The following USP9Y variants were observed in gnomAD, a reference collection of about 807,000 sequenced individuals.
The protein encoded by USP9Y is ubiquitin specific peptidase 9 Y-linked.
In USP9Y, 41 loss-of-function variants were observed where a neutral mutation model predicts 53.1. The ratio of observed to expected loss-of-function variants is 0.77; its 90% CI spans 0.60 to 1.00. USP9Y has a LOEUF of 1.00. Among genes scored for constraint, USP9Y ranks in the 50% least tolerant of loss-of-function variants. The probability of loss-of-function intolerance (pLI) is 0.00; values close to 1 mark genes in which losing one functional copy is unlikely to be tolerated. For missense variants in USP9Y, 567 were observed against 535.8 expected, an observed-to-expected ratio of 1.06 and a Z score of -0.58; for synonymous variants, 220 against 173.7, an observed-to-expected ratio of 1.27 and a Z score of -2.09.
intron 26 of USP9Y, among the ~76,000 whole-genome samples, chrY:12,792,545 C>A (rs1055228545): frequency 1.5e-4 from 5 of 34,115 alleles, no homozygotes; most frequent in Admixed American, 1.1e-3. Context: ...ATACAACTTC[C>A]GTTTTAGGAA....
chrY:12,820,849 A>G (rs543016303), intron 33 of USP9Y, among the ~76,000 whole-genome samples: 16 of 33,390 alleles, frequency 4.8e-4, no homozygotes, highest in African/African-American at 1.9e-3. Context: ...TTGCTTCTTT[A>G]TAATCTGTAT....
chrY:12,853,530 C>T, intron 42 of USP9Y, among the ~76,000 whole-genome samples: 2 of 33,795 alleles, frequency 5.9e-5, no homozygotes, highest in African/African-American at 1.2e-4. Context: ...GATCACCCTC[C>T]GTGGGCTGCA....
chrY:12,854,267 A>G (rs2053573863), intron 42 of USP9Y, among the ~76,000 whole-genome samples: 1 of 33,923 alleles, frequency 2.9e-5, no homozygotes, highest in African/African-American at 1.1e-4. Flanking sequence ...AGCATCAAGC[A>G]GATCAAATAA....
In USP9Y at chrY:12,778,711, A is replaced by G; in HGVS notation, c.2986A>G (p.Asn996Asp). The change falls in exon 21 of 46, where the codon AAT becomes GAT. Residue 996 changes from asparagine (N) to aspartate (D), a missense_variant. Physicochemically the swap from Asn to Asp is conservative, Grantham distance 23. Transcript: ENST00000338981. ...TCCTGGAAACCACCGTAATCATTAC[A>G]ATGATGGTCCCAATCTAGAGGTGGA... Reference protein sequence around the residue: ...ASPGNHRNHYNDGPNLEVESC... With the variant: ...ASPGNHRNHYDDGPNLEVESC... The G allele has an allele frequency of 2.5e-6, 1 of 398,033 alleles. No homozygotes were observed.
At chrY:12,788,682 T>A in intron 24 of USP9Y, among the ~76,000 whole-genome samples, 10 of 31,159 alleles carry the variant, frequency 3.2e-4, no homozygotes, top group Non-Finnish European at 5.4e-4. Flanking sequence ...ATGAAGTAGC[T>A]TGGTCCAAAA....
At chrY:12,837,343 T>C in intron 34 of USP9Y, among the ~76,000 whole-genome samples, 1 of 31,849 alleles carries the variant, frequency 3.1e-5, no homozygotes, top group African/African-American at 1.2e-4. Context: ...TCAGGTGTCT[T>C]ACATTTACTG....
chrY:12,800,816 AT>A (rs2053518464), intron 27 of USP9Y, among the ~76,000 whole-genome samples: 1 of 33,596 alleles, frequency 3.0e-5, no homozygotes, highest in Non-Finnish European at 7.4e-5. Context: ...AGAAAACCCA[AT>A]TTCCCCTGAG....
intron 14 of USP9Y, among the ~76,000 whole-genome samples, chrY:12,760,062 T>C (rs2053473779): frequency 2.9e-5 from 1 of 33,907 alleles, no homozygotes; most frequent in African/African-American, 1.1e-4. Flanking sequence ...ACTGGTGACC[T>C]CATTACCAGT....
At chrY:12,709,837 T>TG (rs2053423119) in intron 3 of USP9Y, among the ~76,000 whole-genome samples, 4 of 31,294 alleles carry the variant, frequency 1.3e-4, no homozygotes, top group Admixed American at 3.0e-4. Flanking sequence ...CCCATCTACC[T>TG]GGGAGGCTGA....
chrY:12,724,456 C>T, intron 5 of USP9Y, among the ~76,000 whole-genome samples: 1 of 33,142 alleles, frequency 3.0e-5, no homozygotes, highest in African/African-American at 1.2e-4. Context: ...GTGGTGCATG[C>T]CTATAATCCC....
At chrY:12,711,678 T>C (rs2053425051) in intron 3 of USP9Y, among the ~76,000 whole-genome samples, 1 of 33,163 alleles carries the variant, frequency 3.0e-5, no homozygotes, top group Non-Finnish European at 7.4e-5. Flanking sequence ...TTACCCAGGC[T>C]GCAGTGCAGT....
chrY:12,755,118 G>A (rs2053467037), intron 12 of USP9Y, among the ~76,000 whole-genome samples: 1 of 28,821 alleles, frequency 3.5e-5, no homozygotes, highest in Non-Finnish European at 8.2e-5. Flanking sequence ...AATGTTTGCC[G>A]GTTTTATCTT....
intron 12 of USP9Y, among the ~76,000 whole-genome samples, chrY:12,748,752 G>C (rs2053462230): frequency 3.0e-5 from 1 of 33,432 alleles, no homozygotes; most frequent in Non-Finnish European, 7.4e-5. Flanking sequence ...GCCTTCCTGA[G>C]ACATCCTTAA....
At chrY:12,839,822 A>G in intron 35 of USP9Y, 42 bp from the exon 36 acceptor site, 1 of 366,412 alleles carries the variant, frequency 2.7e-6, no homozygotes, top group Non-Finnish European at 3.9e-6. Context: ...TTTCTGTTCT[A>G]GTTACAAGAG....
chrY:12,750,356 C>T, intron 12 of USP9Y, among the ~76,000 whole-genome samples: 1 of 33,488 alleles, frequency 3.0e-5, no homozygotes, highest in Non-Finnish European at 7.4e-5. Context: ...GTTTGCAATA[C>T]AGTTAGTTTT....
chrY:12,832,891 T>TG (rs2148291186), intron 33 of USP9Y, among the ~76,000 whole-genome samples: 1 of 33,562 alleles, frequency 3.0e-5, no homozygotes, highest in Non-Finnish European at 7.4e-5. Context: ...TCACATCCTA[T>TG]GGCTTCAACA....
chrY:12,792,670 A>G, intron 26 of USP9Y, among the ~76,000 whole-genome samples: 5 of 34,168 alleles, frequency 1.5e-4, no homozygotes, highest in African/African-American at 2.3e-4. Flanking sequence ...GAAGTCTTCC[A>G]TAGGCTTCCT....
At chrY:12,781,069 A>T in intron 22 of USP9Y, among the ~76,000 whole-genome samples, 1 of 32,725 alleles carries the variant, frequency 3.1e-5, no homozygotes, top group Non-Finnish European at 7.5e-5. Flanking sequence ...CCATATGTAT[A>T]TGTCTATAGA....
intron 27 of USP9Y, among the ~76,000 whole-genome samples, chrY:12,797,117 A>G (rs2053513698): frequency 2.9e-5 from 1 of 33,961 alleles, no homozygotes; most frequent in African/African-American, 1.2e-4. Context: ...TGTACTTTTA[A>G]TATGCTGCTG....
Sources: gnomAD v4.1 joint callset for allele counts (sites outside exome capture counted in the v4.1 genomes callset) on GRCh38, gnomAD v4.1.1 for gene constraint, MANE v1.5 for transcripts, NCBI Gene and HGNC (gene_info 2026-07-23, HGNC 2026-07-21) for gene names.